The following CACNA1A variants were observed in gnomAD, a reference collection of about 807,000 sequenced individuals.
CACNA1A encodes the protein voltage-dependent P/Q-type calcium channel subunit alpha-1A.
Under a neutral mutation model 262.4 loss-of-function variants are expected in CACNA1A, and 57 were observed. The observed-to-expected ratio is 0.22, with a 90% CI of 0.18 to 0.27. CACNA1A has a LOEUF of 0.27. CACNA1A is among the 10% of genes least tolerant of loss of function. CACNA1A has a pLI of 1.00. For missense variants in CACNA1A, 2,526 were observed against 3,562.8 expected, an observed-to-expected ratio of 0.71 and a Z score of 7.41; for synonymous variants, 1,431 against 1,419.3, an observed-to-expected ratio of 1.01 and a Z score of -0.18.
chr19:13,214,720 C>A lies in CACNA1A; in HGVS notation c.5732-112G>T, dbSNP rs1038305693. 2.5e-6 allele frequency: 2 copies of A among 802,046 alleles called. No homozygotes were observed. Among genetic ancestry groups the A allele is most frequent in the African/African-American group, 3.4e-5 (2 of 58,776 alleles). The allele number at this position is 802,046 out of a possible 1,614,324, so 49.7% of individuals were successfully genotyped here. ...AACGAGACCCCAATCTTTCTGGTCC[C>A]CATGGGGTCTCCAGTTCCCCAACGG... is the stretch of plus-strand genomic sequence containing the variant. On this transcript the variant is annotated intron_variant, in intron 38 of 46. Transcript: ENST00000360228. The surrounding 1 kb of genome is among the most constrained non-coding windows in gnomAD (Gnocchi z 4.1).
At chr19:13,224,973 A>T (rs1377174031) in intron 37 of CACNA1A, 1 of 523,498 alleles carries the variant, frequency 1.9e-6, no homozygotes, top group Non-Finnish European at 3.4e-6. Flanking sequence ...GCTCTCTTGT[A>T]CTTCTGGTCC....
At chr19:13,267,971 C>A (rs1179379287) in intron 24 of CACNA1A, among the ~76,000 whole-genome samples, 1 of 151,892 alleles carries the variant, frequency 6.6e-6, no homozygotes, top group Non-Finnish European at 1.5e-5. Context: ...TTATGTTGCT[C>A]AGGCTGGTCT....
intron 22 of CACNA1A, among the ~76,000 whole-genome samples, chr19:13,282,613 C>A (rs574617971): frequency 3.5e-4 from 53 of 152,054 alleles, no homozygotes; most frequent in African/African-American, 1.3e-3. Flanking sequence ...TGCTGTGTGA[C>A]CCTGGACAGG....
chr19:13,372,548 G>C (rs1252531813), intron 3 of CACNA1A, among the ~76,000 whole-genome samples: 1 of 152,150 alleles, frequency 6.6e-6, no homozygotes, highest in African/African-American at 2.4e-5. Flanking sequence ...TCAGATCCCA[G>C]ATCTGCCACT....
At chr19:13,257,663 A>G in intron 27 of CACNA1A, 112 bp from the exon 28 acceptor site, 1 of 553,800 alleles carries the variant, frequency 1.8e-6, no homozygotes, top group Admixed American at 3.3e-5. Flanking sequence ...GAACAGGAAC[A>G]GAGGGAAATG....
intron 3 of CACNA1A, among the ~76,000 whole-genome samples, chr19:13,372,811 G>A (rs1599310483): frequency 6.6e-6 from 1 of 152,320 alleles, no homozygotes; most frequent in East Asian, 1.9e-4. Flanking sequence ...TGGCTAGAAG[G>A]CAGCTACAGA....
intron 3 of CACNA1A, among the ~76,000 whole-genome samples, chr19:13,413,506 C>CA (rs1323262375): frequency 7.0e-6 from 1 of 142,132 alleles, no homozygotes; most frequent in Admixed American, 7.5e-5. Flanking sequence ...CAGGAGGTCA[C>CA]GGCTGCAGAA....
chr19:13,317,408 C>T, intron 10 of CACNA1A, 87 bp from the exon 11 acceptor site: 1 of 1,107,754 alleles, frequency 9.0e-7, no homozygotes, highest in South Asian at 1.5e-5. Context: ...CAGATTTTAG[C>T]CAGGGGATCC....
In CACNA1A at chr19:13,265,682, A is replaced by C. The variant is rs542137331; in HGVS notation, c.3990-2849T>G. On this transcript the variant is annotated intron_variant, in intron 24 of 46. Coordinates refer to ENST00000360228, the MANE Select transcript of CACNA1A (RefSeq NM_001127222.2). ...TTTCTTTCTTTTTTATTATACTTTA[A>C]GTTTCTTTTCCACGTATCTTTCAGA... Among the ~76,000 whole-genome samples, 75 of 151,978 alleles carry C rather than the reference A, an allele frequency of 4.9e-4. 1 individual carries two copies. The highest frequency in any genetic ancestry group is 8.2e-4 in the Non-Finnish European group (56 of 67,988).
intron 38 of CACNA1A, among the ~76,000 whole-genome samples, chr19:13,218,669 C>T (rs557275364): frequency 6.6e-6 from 1 of 152,136 alleles, no homozygotes; most frequent in Non-Finnish European, 1.5e-5. Context: ...AGCTCTATCT[C>T]CTGGGTTGAA....
In CACNA1A at chr19:13,231,814, T is replaced by C. The variant is rs1381987701; in HGVS notation, c.5296A>G (p.Ser1766Gly). The change falls in exon 35 of 47, where the codon AGC becomes GGC. Residue 1766 changes from serine (S) to glycine (G), a missense_variant. By Grantham distance (56) the Ser-to-Gly change is moderately conservative. Around this residue, in one of 17 missense-constraint regions of CACNA1A, gnomAD observed 39 missense variants for 124.9 expected, o/e 0.31. Coordinates refer to ENST00000360228, the MANE Select transcript of CACNA1A (RefSeq NM_001127222.2). ...AWHNIMLSCL[S>G]GKPCDKNSGI... Reference sequence around the variant, plus strand: ...GAGTTCTTATCACACGGTTTCCCGCTGAGGCAGGAAAGCATGATGTTGTGC... The same window carrying C: ...GAGTTCTTATCACACGGTTTCCCGCCGAGGCAGGAAAGCATGATGTTGTGC... 2 of 1,613,758 alleles carry C rather than the reference T, an allele frequency of 1.2e-6. No individual in the cohort carries two copies. The highest frequency in any genetic ancestry group is 2.2e-5 in the East Asian group (1 of 44,886).
intron 3 of CACNA1A, among the ~76,000 whole-genome samples, chr19:13,435,952 G>T (rs527998126): frequency 6.6e-6 from 1 of 152,146 alleles, no homozygotes; most frequent in Non-Finnish European, 1.5e-5. Flanking sequence ...AGCCTCCCGA[G>T]TAGCTGAGAT....
chr19:13,207,904 C>A lies in CACNA1A; in HGVS notation c.6930G>T (p.Gly2310=). ...GCTGCTGCTGCTGCTGCTGCGGGGG[C>A]CCCGAGCCGCCGGCCTTACGGATCA... ...SPVIRKAGGS[G]PPQQQQQQQQ... Residue 2310 remains glycine, a synonymous_variant, in exon 47 of 47, where the codon GGG becomes GGT. Coordinates refer to ENST00000360228, the MANE Select transcript of CACNA1A (RefSeq NM_001127222.2). The surrounding 1 kb of genome is among the most constrained non-coding windows in gnomAD (Gnocchi z 5.7). 6.8e-7 allele frequency: 1 copy of A among 1,465,374 alleles called. No individual in the cohort carries two copies. The highest frequency in any genetic ancestry group is 2.4e-5 in the Admixed American group (1 of 41,432). 90.8% of individuals were successfully genotyped at this position (1,465,374 alleles called of 1,614,324 possible).
chr19:13,344,396 A>T (rs2145179938), intron 6 of CACNA1A, among the ~76,000 whole-genome samples: 1 of 152,302 alleles, frequency 6.6e-6, no homozygotes, highest in African/African-American at 2.4e-5. Context: ...CTCTGCCTTT[A>T]GGTCTTGGCT....
chr19:13,320,816 T>C (rs1202094253), intron 10 of CACNA1A, among the ~76,000 whole-genome samples: 4 of 152,168 alleles, frequency 2.6e-5, no homozygotes, highest in South Asian at 2.1e-4. Flanking sequence ...TTTCATGAGA[T>C]GTTTTATTCA....
chr19:13,348,652 A>G (rs970522263), intron 6 of CACNA1A, among the ~76,000 whole-genome samples: 27 of 152,228 alleles, frequency 1.8e-4, no homozygotes, highest in African/African-American at 6.5e-4. Context: ...CCTGGCCAAC[A>G]TGGTGAAACC....
intron 3 of CACNA1A, among the ~76,000 whole-genome samples, chr19:13,402,779 CAT>C (rs398071149): frequency 1.0e-4 from 13 of 124,474 alleles, no homozygotes; most frequent in East Asian, 4.2e-4. Flanking sequence ...CATATATATA[CAT>C]ATATATACAT....
intron 31 of CACNA1A, among the ~76,000 whole-genome samples, chr19:13,240,275 T>C (rs1039214594): frequency 5.3e-5 from 8 of 151,598 alleles, no homozygotes; most frequent in East Asian, 3.9e-4. Context: ...TGTGGGTGCA[T>C]AGACTGTGTG....
chr19:13,465,074 G>A (rs560890619), intron 1 of CACNA1A, among the ~76,000 whole-genome samples: 6 of 151,844 alleles, frequency 4.0e-5, no homozygotes, highest in Admixed American at 6.6e-5. Flanking sequence ...GACTACAGGC[G>A]TGCAGCACCA....
Sources: allele counts gnomAD v4.1 joint callset (sites outside exome capture counted in the v4.1 genomes callset), GRCh38; gene constraint gnomAD v4.1.1; regional missense constraint gnomAD v4.1.1; non-coding constraint Gnocchi (gnomAD v3.1); transcripts MANE v1.5; gene names NCBI Gene and HGNC (gene_info 2026-07-23, HGNC 2026-07-21).